Variants in GOLGA5 observed in about 807,000 individuals in gnomAD.
GOLGA5 encodes golgin subfamily A member 5.
In GOLGA5, 50 loss-of-function variants were observed where a neutral mutation model predicts 93.5. The observed-to-expected ratio is 0.53, with a 90% CI of 0.43 to 0.68. GOLGA5 has a LOEUF of 0.68. Among genes scored for constraint, GOLGA5 ranks in the 30% least tolerant of loss-of-function variants. GOLGA5 has a pLI of 0.00. For missense variants in GOLGA5, 760 were observed against 856.4 expected (o/e 0.89, Z 1.40); for synonymous variants, 312 against 304.5 (o/e 1.02, Z -0.26).
At chr14:92,805,788 A>G (rs570710630) in intron 2 of GOLGA5, among the ~76,000 whole-genome samples, 1 of 152,302 alleles carries the variant, frequency 6.6e-6, no homozygotes, top group African/African-American at 2.4e-5. Flanking sequence ...CTTATAAAGT[A>G]TCAAGTCTTT....
rs761618350 is a variant in GOLGA5 at position 92,819,726 on chromosome 14, G to C, written c.1510G>C (p.Val504Leu). The C allele has an allele frequency of 6.2e-7, 1 of 1,613,868 alleles. No individual in the cohort carries two copies. Residue 504 changes from valine to leucine, a missense_variant, in exon 8 of 13, where the codon GTT becomes CTT. By Grantham distance (32) the Val-to-Leu change is conservative. Transcript: ENST00000163416. ...SELQDMEAQQ[V>L]NEAESAREQL... ...TCTTTAGGATATGGAGGCACAGCAAGTTAATGAAGCAGAATCAGCAAGAGA... is the reference window on the plus strand; with the variant it reads ...TCTTTAGGATATGGAGGCACAGCAACTTAATGAAGCAGAATCAGCAAGAGA...
chr14:92,817,183 C>T (rs11849355), intron 7 of GOLGA5, among the ~76,000 whole-genome samples: 487 of 152,148 alleles, frequency 3.2e-3, no homozygotes, highest in Middle Eastern at 0.014. Flanking sequence ...TCAAGTGATC[C>T]GCCCACCTCG....
intron 9 of GOLGA5, among the ~76,000 whole-genome samples, chr14:92,825,947 G>T (rs2140330746): frequency 6.6e-6 from 1 of 150,404 alleles, no homozygotes; most frequent in African/African-American, 2.4e-5. Context: ...TTGAGGTCAG[G>T]AGTTCAAGAT....
At chr14:92,837,315 T>C (rs909329698) in intron 11 of GOLGA5, 71 bp from the exon 12 acceptor site, 18 of 761,632 alleles carry the variant, frequency 2.4e-5, no homozygotes, top group Middle Eastern at 2.3e-4. Context: ...TCATTAGATA[T>C]TACCACAGGA....
chr14:92,813,512 TGTGCCAGAGCAAGG>T (rs1885144601), intron 6 of GOLGA5, among the ~76,000 whole-genome samples: 1 of 152,178 alleles, frequency 6.6e-6, no homozygotes, highest in Non-Finnish European at 1.5e-5. Context: ...GAGAACAACC[TGTGCCAGAGCAAGG>T]GGGCCAGAGA....
At chr14:92,811,174 T>G (rs1213369243) in intron 5 of GOLGA5, among the ~76,000 whole-genome samples, 3 of 152,272 alleles carry the variant, frequency 2.0e-5, no homozygotes, top group Non-Finnish European at 4.4e-5. Context: ...ATTTATTTAC[T>G]TATTAAATTG....
At chr14:92,827,205 G>A (rs1436506516) in intron 9 of GOLGA5, among the ~76,000 whole-genome samples, 10 of 152,154 alleles carry the variant, frequency 6.6e-5, no homozygotes, top group Non-Finnish European at 1.5e-5. Flanking sequence ...TCTCTTTATT[G>A]CAGTTTGCAG....
intron 9 of GOLGA5, among the ~76,000 whole-genome samples, chr14:92,826,314 T>C (rs1484115336): frequency 2.6e-5 from 4 of 151,550 alleles, no homozygotes; most frequent in Non-Finnish European, 5.9e-5. Context: ...AATCACACAA[T>C]TGGAGTGAGT....
At chr14:92,830,228 G>A (rs1007837125) in intron 9 of GOLGA5, among the ~76,000 whole-genome samples, 3 of 152,190 alleles carry the variant, frequency 2.0e-5, no homozygotes, top group African/African-American at 7.2e-5. Flanking sequence ...TGAGGCAGGA[G>A]AATTGCTTGA....
rs769069905 is a variant in GOLGA5 at position 92,806,698 on chromosome 14, C to T, written c.545-38C>T. 2.9e-6 allele frequency: 4 copies of T among 1,374,344 alleles called. No homozygotes were observed. The African/African-American group carries it at 5.7e-5, about 20-fold the overall frequency. 85.1% of individuals were successfully genotyped at this position (1,374,344 alleles called of 1,614,324 possible). A position where few individuals can be genotyped will look rare whatever the true frequency, so the allele number is the denominator to read the frequency against. The stretch of plus-strand genomic sequence containing the variant: ...AAGTTGTTAATGCATATGTGATGAA[C>T]ACGCCAATGTAACAAAAACGTATTC... On this transcript the variant is annotated intron_variant, in intron 2 of 12. Transcript: ENST00000163416.
At chr14:92,797,145 CTTA>C (rs776924247) in intron 1 of GOLGA5, among the ~76,000 whole-genome samples, 1 of 151,650 alleles carries the variant, frequency 6.6e-6, no homozygotes, top group East Asian at 1.9e-4. Flanking sequence ...AAAATGAGTG[CTTA>C]TTATGTGCCA....
chr14:92,824,505 C>A, intron 8 of GOLGA5, 41 bp from the exon 9 acceptor site: 1 of 976,460 alleles, frequency 1.0e-6, no homozygotes, highest in Non-Finnish European at 1.6e-6. Context: ...GAATAGGGGA[C>A]ACTTATTTCG....
intron 6 of GOLGA5, among the ~76,000 whole-genome samples, chr14:92,813,153 G>C (rs1278285345): frequency 6.6e-6 from 1 of 152,026 alleles, no homozygotes; most frequent in Non-Finnish European, 1.5e-5. Context: ...CTTCCATGAA[G>C]TATCATATTG....
chr14:92,803,720 T>A lies in GOLGA5; in HGVS notation c.545-3016T>A, dbSNP rs545853377. Among the ~76,000 whole-genome samples the A allele has an allele frequency of 3.3e-5, 5 of 152,302 alleles. No homozygotes were observed. In the South Asian group the frequency reaches 1.0e-3, roughly 32 times the overall value. ...TGAAACTTTCAACGCAACCAAACATTAGTTATTCATACCAACCCTGCAAAA... is the reference window on the plus strand; with the variant it reads ...TGAAACTTTCAACGCAACCAAACATAAGTTATTCATACCAACCCTGCAAAA... On this transcript the variant is annotated intron_variant, in intron 2 of 12. Coordinates refer to ENST00000163416, the MANE Select transcript of GOLGA5 (RefSeq NM_005113.4).
chr14:92,799,060 C>T (rs1023994996), intron 2 of GOLGA5, among the ~76,000 whole-genome samples: 9 of 152,064 alleles, frequency 5.9e-5, no homozygotes, highest in African/African-American at 2.2e-4. Flanking sequence ...TTGACCTCCC[C>T]AGGCTCAAGC....
chr14:92,805,304 A>C (rs1566953548), intron 2 of GOLGA5, among the ~76,000 whole-genome samples: 2 of 152,144 alleles, frequency 1.3e-5, no homozygotes, highest in Non-Finnish European at 2.9e-5. Context: ...ACTGTTAGTG[A>C]GATTCATCCA....
chr14:92,806,480 T>C (rs1884988409), intron 2 of GOLGA5, among the ~76,000 whole-genome samples: 1 of 152,250 alleles, frequency 6.6e-6, no homozygotes, highest in African/African-American at 2.4e-5. Flanking sequence ...ACCTGGCTAA[T>C]TTTTGTATTT....
chr14:92,810,232 C>T (rs770955506), intron 4 of GOLGA5, 22 bp from the exon 5 acceptor site: 3 of 1,580,536 alleles, frequency 1.9e-6, no homozygotes, highest in Non-Finnish European at 2.6e-6. Flanking sequence ...TGAGTTATTT[C>T]ACATGATGCA....
intron 2 of GOLGA5, among the ~76,000 whole-genome samples, 194 bp from the exon 3 acceptor site, chr14:92,806,542 A>G (rs1460966523): frequency 6.6e-6 from 1 of 151,862 alleles, no homozygotes; most frequent in African/African-American, 2.4e-5. Context: ...CAAACTCCTG[A>G]CCTCAAGTGA....
Sources: allele counts gnomAD v4.1 joint callset (sites outside exome capture counted in the v4.1 genomes callset), GRCh38; gene constraint gnomAD v4.1.1; transcripts MANE v1.5; gene names NCBI Gene and HGNC (gene_info 2026-07-23, HGNC 2026-07-21).